BRD4: variants seen among roughly 807,000 people sequenced by gnomAD.
BRD4 encodes the protein bromodomain containing 4.
In BRD4, 16 loss-of-function variants were observed where a neutral mutation model predicts 142.1. The ratio of observed to expected loss-of-function variants is 0.11; its 90% confidence interval spans 0.08 to 0.17. The LOEUF (loss-of-function observed/expected upper bound fraction) is 0.17. BRD4 is among the 10% of genes least tolerant of loss of function. The pLI, the probability that BRD4 is intolerant of heterozygous loss-of-function variation, is 1.00. For missense variants in BRD4, 1,424 were observed against 1,810.9 expected, an observed-to-expected ratio of 0.79 and a Z score of 3.88; for synonymous variants, 833 against 707.5, an observed-to-expected ratio of 1.18 and a Z score of -2.82.
chr19:15,288,487 C>T (rs1392580852), intron 1 of BRD4, among the ~76,000 whole-genome samples: 1 of 152,260 alleles, frequency 6.6e-6, no homozygotes, highest in African/African-American at 2.4e-5. Flanking sequence ...CAAAAATCAG[C>T]TCCTTCCCAG....
At chr19:15,305,704 A>C (rs1360311887) in intron 1 of BRD4, among the ~76,000 whole-genome samples, 2 of 152,202 alleles carry the variant, frequency 1.3e-5, no homozygotes, top group African/African-American at 4.8e-5. Flanking sequence ...CTTCAACTTA[A>C]AGTCATCAGC....
chr19:15,296,171 T>C (rs1311482586), intron 1 of BRD4, among the ~76,000 whole-genome samples: 3 of 152,054 alleles, frequency 2.0e-5, no homozygotes, highest in Non-Finnish European at 4.4e-5. Flanking sequence ...GGAGAATCGC[T>C]TGAACCCGGG....
chr19:15,239,858 C>T lies in BRD4; in HGVS notation c.3283-37G>A, dbSNP rs772125141. ...CAGGCACAGCGGCCGGTGAGGTGGG[C>T]AGGCACCCCCGGCCCTAGCCCACAG... On this transcript the variant is annotated intron_variant, in intron 15 of 19. Transcript: ENST00000679869. This position sits in a 1 kb window ranked among gnomAD's most constrained non-coding sequence, Gnocchi z 7.4. 3 of 1,613,910 alleles carry T rather than the reference C, an allele frequency of 1.9e-6. No homozygotes were observed. In the South Asian group the frequency reaches 3.3e-5, roughly 18 times the overall value.
chr19:15,244,243 C>T lies in BRD4; in HGVS notation c.2569G>A (p.Val857Ile), dbSNP rs2047264275. ...GGCCACGGCTCACCTGGAGGAGAGACCACTGCGTGCTGGTTGAGATGGGGT... is the reference window on the plus strand; with the variant it reads ...GGCCACGGCTCACCTGGAGGAGAGATCACTGCGTGCTGGTTGAGATGGGGT... ...TPPHLNQHAV[V>I]SPPALHNALP... Residue 857 changes from valine to isoleucine, a missense_variant, in exon 13 of 20, where the codon GTC (valine) becomes ATC (isoleucine). Val to Ile is a conservative substitution (Grantham distance 29, BLOSUM62 3). This residue lies in a region of BRD4 where 598 missense variants were observed against 647.8 expected (regional missense o/e 0.92). Coordinates refer to ENST00000679869, the MANE Select transcript of BRD4 (RefSeq NM_001379291.1). The T allele has an allele frequency of 1.3e-6, 2 of 1,568,302 alleles. No homozygotes were observed.
chr19:15,241,390 G>T (rs1032899919), intron 14 of BRD4, among the ~76,000 whole-genome samples: 3 of 152,254 alleles, frequency 2.0e-5, no homozygotes, highest in African/African-American at 7.2e-5. Flanking sequence ...TGGGTTCAGA[G>T]GATGGCTCAC....
chr19:15,298,164 G>A (rs1022130200), intron 1 of BRD4, among the ~76,000 whole-genome samples: 2 of 152,188 alleles, frequency 1.3e-5, no homozygotes, highest in East Asian at 3.9e-4. Flanking sequence ...TTATTAAGGT[G>A]GGCTCTGCAA....
At position 15,255,419 on chromosome 19, in the gene BRD4, G is replaced by T; in HGVS notation, c.1925C>A (p.Pro642His). ...RVVHIIQSRE[P>H]SLKNSNPDEI... Reference sequence around the variant, plus strand: ...GTCGGGGTTGGAATTCTTCAGGGAGGGCTCCCGTGACTGGATGATGTGCAC... The same window carrying T: ...GTCGGGGTTGGAATTCTTCAGGGAGTGCTCCCGTGACTGGATGATGTGCAC... Residue 642 changes from proline (P) to histidine (H), a missense_variant, in exon 10 of 20, where the codon CCC becomes CAC. Around this residue, in one of 16 missense-constraint regions of BRD4, gnomAD observed 46 missense variants for 110.4 expected, o/e 0.42. Transcript: ENST00000679869. 2 of 1,614,090 alleles carry T rather than the reference G, an allele frequency of 1.2e-6. No homozygotes were observed. Among genetic ancestry groups the T allele is most frequent in the Non-Finnish European group, 1.7e-6 (2 of 1,180,022 alleles).
intron 1 of BRD4, among the ~76,000 whole-genome samples, chr19:15,295,901 G>C (rs1278847616): frequency 6.6e-6 from 1 of 152,062 alleles, no homozygotes; most frequent in African/African-American, 2.4e-5. Context: ...AACCCGGCAA[G>C]TGGAGGTTGC....
At chr19:15,309,908 G>A (rs1362040335) in intron 1 of BRD4, among the ~76,000 whole-genome samples, 3 of 152,146 alleles carry the variant, frequency 2.0e-5, no homozygotes, top group Non-Finnish European at 4.4e-5. Context: ...CACTGAGTGC[G>A]GAGAGAGGCA....
intron 1 of BRD4, among the ~76,000 whole-genome samples, chr19:15,312,136 A>G (rs1483668705): frequency 1.3e-5 from 2 of 152,258 alleles, no homozygotes; most frequent in East Asian, 1.9e-4. Context: ...ATGCCCTCAC[A>G]GGGCTGGGTC....
In BRD4 at chr19:15,238,875, C is replaced by T. The variant is rs1199794363; in HGVS notation, c.3888G>A (p.Gln1296=). ...CCACCGCAGCTGCTTGCTGTTGCTG[C>T]TGCTGCTGTTGCTCCTGGCGCTGCT... ...QQQQRQEQQQ[Q]QQQQAAAVAA... is the part of the protein sequence containing the mutation. Residue 1296 remains glutamine (Q), a synonymous_variant, in exon 19 of 20, where the codon CAG becomes CAA. Coordinates refer to ENST00000679869, the MANE Select transcript of BRD4 (RefSeq NM_001379291.1). The surrounding 1 kb of genome is among the most constrained non-coding windows in gnomAD (Gnocchi z 7.2). 1.4e-5 allele frequency: 22 copies of T among 1,599,516 alleles called. No individual in the cohort carries two copies. The highest frequency in any genetic ancestry group is 1.9e-5 in the Non-Finnish European group (22 of 1,173,726).
chr19:15,265,236 C>A, intron 5 of BRD4, 118 bp downstream of exon 5: 1 of 1,034,136 alleles, frequency 9.7e-7, no homozygotes. Flanking sequence ...ACAGCAAGAT[C>A]TCCCCAGAAA....
intron 1 of BRD4, among the ~76,000 whole-genome samples, chr19:15,309,570 G>C (rs577115986): frequency 6.6e-6 from 1 of 152,226 alleles, no homozygotes; most frequent in East Asian, 1.9e-4. Context: ...CTACGCATAT[G>C]CCAAGAGAAA....
At chr19:15,278,605 G>GT (rs149915781) in intron 1 of BRD4, among the ~76,000 whole-genome samples, 23,758 of 137,726 alleles carry the variant, frequency 0.17, 2,093 homozygotes, top group South Asian at 0.21. Flanking sequence ...ATATATTCCT[G>GT]TTTTTTTTTT....
At chr19:15,253,403 TCCACCTCCCA>T (rs2047368908) in intron 11 of BRD4, 2 of 693,078 alleles carry the variant, frequency 2.9e-6, no homozygotes, top group Admixed American at 5.6e-5. Context: ...ACTACCTGCC[TCCACCTCCCA>T]CTGAGGCTGC....
rs188667183 is a variant in BRD4, at chr19:15,236,210, G to A, written c.*2167C>T. 3 of 152,326 alleles carry A rather than the reference G, an allele frequency of 2.0e-5. No homozygotes were observed. Among genetic ancestry groups the A allele is most frequent in the Non-Finnish European group, 2.9e-5 (2 of 68,028 alleles). 9.4% of individuals were successfully genotyped at this position (152,326 alleles called of 1,614,324 possible). A position where few individuals can be genotyped will look rare whatever the true frequency, so the allele number is the denominator to read the frequency against. ...GAAATGTTTCAATCAGTTTGTCTCT[G>A]CATACATATAAATTATATACTTGTA... On this transcript the variant is annotated 3_prime_UTR_variant, in exon 20 of 20. Coordinates refer to ENST00000679869, the MANE Select transcript of BRD4 (RefSeq NM_001379291.1).
intron 7 of BRD4, among the ~76,000 whole-genome samples, chr19:15,258,626 G>C (rs957830110): frequency 6.6e-6 from 1 of 151,994 alleles, no homozygotes; most frequent in Non-Finnish European, 1.5e-5. Flanking sequence ...TCTTTTTGGA[G>C]ATAGGGCCTT....
At chr19:15,290,274 C>A (rs1000460614) in intron 1 of BRD4, among the ~76,000 whole-genome samples, 2 of 152,082 alleles carry the variant, frequency 1.3e-5, no homozygotes, top group Admixed American at 1.3e-4. Context: ...TATTCAAAGT[C>A]AATGTTAAAA....
intron 1 of BRD4, chr19:15,280,278 A>G (rs1233164627): frequency 2.0e-6 from 2 of 1,008,540 alleles, no homozygotes; most frequent in African/African-American, 3.4e-5. Flanking sequence ...CACAGTGGCA[A>G]CACCCACAAG....
Sources: allele counts gnomAD v4.1 joint callset (sites outside exome capture counted in the v4.1 genomes callset), GRCh38; gene constraint gnomAD v4.1.1; regional missense constraint gnomAD v4.1.1; non-coding constraint Gnocchi (gnomAD v3.1); transcripts MANE v1.5; gene names NCBI Gene and HGNC (gene_info 2026-07-23, HGNC 2026-07-21).